MALRD1: variants seen among roughly 807,000 people sequenced by gnomAD.
MALRD1 encodes the protein MAM and LDL-receptor class A domain-containing protein 1.
Under a neutral mutation model 242.1 loss-of-function variants are expected in MALRD1, and 247 were observed. The observed-to-expected ratio is 1.02, with a 90% CI of 0.92 to 1.13. The LOEUF (loss-of-function observed/expected upper bound fraction) is 1.13. Among genes scored for constraint, MALRD1 ranks in the 50% most tolerant of loss-of-function variants. The probability of loss-of-function intolerance (pLI) is 0.00; values close to 1 mark genes in which losing one functional copy is unlikely to be tolerated. For synonymous variants in MALRD1, 995 were observed against 866.6 expected (o/e 1.15, Z -2.60); for missense variants, 2,989 against 2,533.1 (o/e 1.18, Z -3.86).
At chr10:19,226,468 A>G (rs77372441) in intron 18 of MALRD1, among the ~76,000 whole-genome samples, 2,388 of 152,236 alleles carry the variant, frequency 0.016, 61 homozygotes, top group African/African-American at 0.054. Context: ...ATTGCATTCA[A>G]TATTAAATAA....
chr10:19,079,631 C>CT (rs1452076972), intron 2 of MALRD1, among the ~76,000 whole-genome samples: 1 of 151,892 alleles, frequency 6.6e-6, no homozygotes, highest in Non-Finnish European at 1.5e-5. Flanking sequence ...ATTATTTTAG[C>CT]TTTTGCTTCA....
intron 18 of MALRD1, among the ~76,000 whole-genome samples, chr10:19,227,503 A>G (rs1015142315): frequency 1.2e-4 from 19 of 152,122 alleles, no homozygotes; most frequent in Non-Finnish European, 2.1e-4. Context: ...ATGTAAATAT[A>G]AAAAGTATAA....
chr10:19,054,055 T>C (rs984849770), intron 1 of MALRD1, among the ~76,000 whole-genome samples: 3 of 152,098 alleles, frequency 2.0e-5, no homozygotes, highest in African/African-American at 7.2e-5. Flanking sequence ...TTAGGACCTA[T>C]TAACATGCTT....
At chr10:19,128,725 A>G (rs78926275) in intron 8 of MALRD1, among the ~76,000 whole-genome samples, 42 of 152,278 alleles carry the variant, frequency 2.8e-4, no homozygotes, top group Non-Finnish European at 5.9e-4. Context: ...TGGACATTAC[A>G]TCTGTATATC....
At chr10:19,125,471 A>G (rs1289198181) in intron 7 of MALRD1, among the ~76,000 whole-genome samples, 1 of 140,550 alleles carries the variant, frequency 7.1e-6, no homozygotes, top group African/African-American at 2.7e-5. Context: ...GTTGTCAATG[A>G]GTTTCTTCCT....
At chr10:19,477,581 A>T (rs937207629) in intron 29 of MALRD1, among the ~76,000 whole-genome samples, 7 of 152,316 alleles carry the variant, frequency 4.6e-5, no homozygotes, top group Middle Eastern at 3.4e-3. Context: ...GAAATTGTGG[A>T]TGCAGACACA....
intron 14 of MALRD1, among the ~76,000 whole-genome samples, chr10:19,199,876 G>A (rs1836444687): frequency 1.3e-5 from 2 of 151,830 alleles, no homozygotes; most frequent in South Asian, 4.2e-4. Context: ...CTTACCACTT[G>A]TAATCCCTGA....
chr10:19,220,635 G>A (rs1889515), intron 18 of MALRD1, among the ~76,000 whole-genome samples: 11,584 of 152,010 alleles, frequency 0.076, 498 homozygotes, highest in Middle Eastern at 0.11. Flanking sequence ...ACCCAGATGC[G>A]TTCTAGATAC....
chr10:19,483,306 C>A (rs1837095172), intron 29 of MALRD1, among the ~76,000 whole-genome samples: 1 of 151,574 alleles, frequency 6.6e-6, no homozygotes, highest in Non-Finnish European at 1.5e-5. Flanking sequence ...CAGAAATTGA[C>A]AAATGGAGCC....
chr10:19,566,298 A>ATTTTTTTTTTTTTTTTTT (rs10548629), intron 32 of MALRD1, among the ~76,000 whole-genome samples: 4 of 111,040 alleles, frequency 3.6e-5, no homozygotes, highest in Non-Finnish European at 7.2e-5. Flanking sequence ...TGCCTGGCTA[A>ATTTTTTTTTTTTTTTTTT]TTTTTTTTTT....
chr10:19,523,567 A>G (rs895863656), intron 31 of MALRD1, among the ~76,000 whole-genome samples: 10 of 152,196 alleles, frequency 6.6e-5, no homozygotes, highest in African/African-American at 2.4e-4. Context: ...ATGTTTCCAA[A>G]GGCATCTTGA....
At chr10:19,444,264 T>C (rs1834836148) in intron 28 of MALRD1, among the ~76,000 whole-genome samples, 1 of 152,204 alleles carries the variant, frequency 6.6e-6, no homozygotes, top group African/African-American at 2.4e-5. Context: ...CTTTATCCAA[T>C]TTGCCAGTCT....
intron 33 of MALRD1, among the ~76,000 whole-genome samples, chr10:19,587,666 G>A (rs942862600): frequency 6.6e-6 from 1 of 152,202 alleles, no homozygotes; most frequent in Non-Finnish European, 1.5e-5. Context: ...TTAACGTCTT[G>A]TGGGAGGGCA....
At chr10:19,544,043 A>T (rs1835098942) in intron 32 of MALRD1, among the ~76,000 whole-genome samples, 1 of 151,472 alleles carries the variant, frequency 6.6e-6, no homozygotes, top group African/African-American at 2.4e-5. Context: ...ACACAATCTG[A>T]GCTTCTAGTT....
At position 19,325,006 on chromosome 10, in the gene MALRD1, CTTTTTTTTTTTT is replaced by C. The variant is rs34290618; in HGVS notation, c.3576+910_3576+921del. Among the ~76,000 whole-genome samples, 6 of 77,962 alleles carry C rather than the reference CTTTTTTTTTTTT, an allele frequency of 7.7e-5. 1 individual carries two copies. Among genetic ancestry groups the C allele is most frequent in the African/African-American group, 2.6e-4 (5 of 19,086 alleles). 51.1% of individuals were successfully genotyped at this position (77,962 alleles called of 152,430 possible). A position where few individuals can be genotyped will look rare whatever the true frequency, so the allele number is the denominator to read the frequency against. On this transcript the variant is annotated intron_variant, in intron 22 of 39. Coordinates refer to ENST00000454679, the MANE Select transcript of MALRD1 (RefSeq NM_001142308.3). ...CACAAATTTTTGCCTTCAGTAGTTG[CTTTTTTTTTTTT>C]TTTTTTTTGCTTGAACTAATTTTAC... is the stretch of plus-strand genomic sequence containing the variant.
intron 14 of MALRD1, among the ~76,000 whole-genome samples, chr10:19,197,858 G>C (rs1207259759): frequency 6.6e-6 from 1 of 152,120 alleles, no homozygotes; most frequent in Non-Finnish European, 1.5e-5. Flanking sequence ...TGAGGACAGA[G>C]GTTTTCTTTC....
chr10:19,328,995 T>G (rs1843249750), intron 23 of MALRD1, among the ~76,000 whole-genome samples: 3 of 152,204 alleles, frequency 2.0e-5, no homozygotes, highest in Admixed American at 2.0e-4. Context: ...TGTAAAATAT[T>G]TGTATAGTAA....
At chr10:19,537,309 A>G (rs7076844) in intron 32 of MALRD1, among the ~76,000 whole-genome samples, 113,423 of 152,086 alleles carry the variant, frequency 0.75, 42,885 homozygotes, top group Admixed American at 0.8. Flanking sequence ...ATGAAACTTG[A>G]TATCTTAGTT....
Position 19,708,160 on chromosome 10 carries a change from G to A in MALRD1, c.6314+15606G>A, listed in dbSNP as rs1284210869. On this transcript the variant is annotated intron_variant, in intron 38 of 39. Coordinates refer to ENST00000454679, the MANE Select transcript of MALRD1 (RefSeq NM_001142308.3). ...AAAACTTAAGAGGAAAGCTTATTTG[G>A]GCAGTAGGGAAGGAAATAATGTTGA... Among the ~76,000 whole-genome samples the A allele has an allele frequency of 2.5e-5, 3 of 120,118 alleles. 1 individual carries two copies. Among genetic ancestry groups the A allele is most frequent in the Non-Finnish European group, 5.7e-5 (3 of 52,776 alleles). The allele number at this position is 120,118 out of a possible 152,430, so 78.8% of individuals were successfully genotyped here.
Sources: gnomAD v4.1 joint callset for allele counts (sites outside exome capture counted in the v4.1 genomes callset) on GRCh38, gnomAD v4.1.1 for gene constraint, MANE v1.5 for transcripts, NCBI Gene and HGNC (gene_info 2026-07-23, HGNC 2026-07-21) for gene names.